The following RPF2 variants were observed in gnomAD, a reference collection of about 807,000 sequenced individuals.
RPF2 encodes brix domain containing 1.
In RPF2, 21 loss-of-function variants were observed where a neutral mutation model predicts 38.9. The observed-to-expected ratio is 0.54, with a 90% CI of 0.38 to 0.78. The LOEUF is 0.78. RPF2 is among the 30% of genes least tolerant of loss of function. The probability of loss-of-function intolerance (pLI) is 0.00; values close to 1 mark genes in which losing one functional copy is unlikely to be tolerated. For missense variants in RPF2, 314 were observed against 358.1 expected, an observed-to-expected ratio of 0.88 and a Z score of 0.99; for synonymous variants, 121 against 126.2, an observed-to-expected ratio of 0.96 and a Z score of 0.28.
At chr6:111,002,261 C>CA (rs1448411505) in intron 6 of RPF2, among the ~76,000 whole-genome samples, 1 of 152,212 alleles carries the variant, frequency 6.6e-6, no homozygotes, top group Non-Finnish European at 1.5e-5. Flanking sequence ...GCCTGGGTGA[C>CA]ACAGCAAGAC....
intron 5 of RPF2, 90 bp from the exon 6 acceptor site, chr6:110,999,621 T>C: frequency 1.3e-6 from 1 of 776,496 alleles, no homozygotes; most frequent in Non-Finnish European, 2.3e-6. Context: ...GAGGCAGATA[T>C]TAGGACATTT....
chr6:111,018,717 G>A (rs558527190), intron 8 of RPF2, among the ~76,000 whole-genome samples: 17 of 152,004 alleles, frequency 1.1e-4, no homozygotes, highest in Admixed American at 4.6e-4. Flanking sequence ...AATAAATGAG[G>A]CAAAATGCAG....
In RPF2 at chr6:111,027,361, TTATATC is replaced by T. The variant is rs1323630819; in HGVS notation, c.*1782_*1787del. 1 of 152,180 alleles carries T rather than the reference TTATATC, an allele frequency of 6.6e-6. No individual in the cohort carries two copies. Among genetic ancestry groups the T allele is most frequent in the Non-Finnish European group, 1.5e-5 (1 of 68,036 alleles). The allele number at this position is 152,180 out of a possible 1,614,324, so 9.4% of individuals were successfully genotyped here. A position where few individuals can be genotyped will look rare whatever the true frequency, so the allele number is the denominator to read the frequency against. ...CGTACCTGAATCAGACATTTGCACT[TTATATC>T]TAAATGAGAAGAAGGGGCTCAGATA... On this transcript the variant is annotated 3_prime_UTR_variant, in exon 10 of 10. Transcript: ENST00000441448.
intron 8 of RPF2, among the ~76,000 whole-genome samples, chr6:111,016,918 A>G (rs1020278589): frequency 1.2e-4 from 19 of 152,040 alleles, no homozygotes; most frequent in African/African-American, 4.6e-4. Flanking sequence ...GCATCTGTTT[A>G]ACAAAGCACA....
At chr6:111,001,420 C>A (rs899940331) in intron 6 of RPF2, among the ~76,000 whole-genome samples, 5 of 152,060 alleles carry the variant, frequency 3.3e-5, no homozygotes, top group Non-Finnish European at 5.9e-5. Flanking sequence ...CTCTGTCACC[C>A]AGGCTGGGGC....
chr6:110,989,183 G>T, intron 3 of RPF2, 118 bp downstream of exon 3: 1 of 1,014,798 alleles, frequency 9.9e-7, no homozygotes, highest in Non-Finnish European at 1.3e-6. Context: ...ATTCCTTACA[G>T]TTATTAATAT....
chr6:111,018,357 C>T (rs1217047318), intron 8 of RPF2, among the ~76,000 whole-genome samples: 1 of 152,206 alleles, frequency 6.6e-6, no homozygotes, highest in Non-Finnish European at 1.5e-5. Context: ...TTGCCTTTCT[C>T]TGTACATTGA....
chr6:110,983,483 G>T (rs1771466694), intron 1 of RPF2, among the ~76,000 whole-genome samples: 1 of 152,000 alleles, frequency 6.6e-6, no homozygotes. Flanking sequence ...GAGTAGCTGG[G>T]ACTATAGGCG....
At chr6:110,982,291 G>T in intron 1 of RPF2, 162 bp downstream of exon 1, 2 of 752,062 alleles carry the variant, frequency 2.7e-6, no homozygotes, top group East Asian at 2.7e-5. Context: ...CGAGCTGCTT[G>T]CCAGGAGACA....
chr6:111,017,077 A>C (rs9374246), intron 8 of RPF2, among the ~76,000 whole-genome samples: 10,043 of 152,232 alleles, frequency 0.066, 995 homozygotes, highest in East Asian at 0.52. Context: ...TCCTATGTCT[A>C]CTTCTTTCTA....
intron 5 of RPF2, 30 bp from the exon 6 acceptor site, chr6:110,999,681 T>C (rs756739143): frequency 1.6e-5 from 24 of 1,465,508 alleles, no homozygotes; most frequent in Middle Eastern, 3.5e-4. Flanking sequence ...TTGGGAAAAA[T>C]ACATGCTTAA....
Position 111,024,343 on chromosome 6 carries a change from C to T in RPF2, c.741+16C>T, listed in dbSNP as rs753542729. ...AGCTCTCAAGGTATATAACTTAGAG[C>T]TTGGTACCACATTTATTTGTATTTT... On this transcript the variant is annotated intron_variant, in intron 9 of 9. Transcript: ENST00000441448. 1 of 1,579,484 alleles carries T rather than the reference C, an allele frequency of 6.3e-7. No individual in the cohort carries two copies. The highest frequency in any genetic ancestry group is 8.6e-7 in the Non-Finnish European group (1 of 1,168,072).
chr6:111,000,966 C>T (rs947913466), intron 6 of RPF2, among the ~76,000 whole-genome samples: 1 of 152,176 alleles, frequency 6.6e-6, no homozygotes, highest in Non-Finnish European at 1.5e-5. Context: ...TGTATAATTA[C>T]TCTTTTCCTG....
chr6:111,009,484 C>T lies in RPF2; in HGVS notation c.493+1347C>T, dbSNP rs117421087. Among the ~76,000 whole-genome samples the T allele has an allele frequency of 2.5e-3, 382 of 152,084 alleles. 4 individuals carry two copies. The highest frequency in any genetic ancestry group is 0.022 in the Admixed American group (329 of 15,228). ...CTGGGATTACAGGCATGAGCCACTG[C>T]GACAGGCCCTGGCTCATTTTTACTT... On this transcript the variant is annotated intron_variant, in intron 7 of 9. Transcript: ENST00000441448.
At chr6:110,997,060 C>T in intron 4 of RPF2, 123 bp from the exon 5 acceptor site, 2 of 657,734 alleles carry the variant, frequency 3.0e-6, no homozygotes, top group Middle Eastern at 3.8e-4. Flanking sequence ...CCTCGGCGTC[C>T]CAAGTGCTGG....
intron 4 of RPF2, among the ~76,000 whole-genome samples, chr6:110,994,132 C>T (rs1265852492): frequency 1.3e-5 from 2 of 152,076 alleles, no homozygotes; most frequent in African/African-American, 4.8e-5. Context: ...CAAAATTAGC[C>T]AGGCGTGGTG....
intron 4 of RPF2, among the ~76,000 whole-genome samples, chr6:110,996,822 G>A (rs369272250): frequency 6.6e-6 from 1 of 151,846 alleles, no homozygotes; most frequent in African/African-American, 2.4e-5. Flanking sequence ...GTTTTTTTTA[G>A]ACAGAGTCTT....
intron 8 of RPF2, among the ~76,000 whole-genome samples, chr6:111,022,811 C>T (rs1042139427): frequency 1.3e-5 from 2 of 152,136 alleles, no homozygotes; most frequent in African/African-American, 4.8e-5. Context: ...TTTGAATTGA[C>T]AAGTTTTCTA....
At chr6:111,022,903 GT>G (rs1772258712) in intron 8 of RPF2, among the ~76,000 whole-genome samples, 1 of 151,998 alleles carries the variant, frequency 6.6e-6, no homozygotes, top group East Asian at 1.9e-4. Flanking sequence ...TTCTTTTTTT[GT>G]TTGTTTGTTT....
Sources: gnomAD v4.1 joint callset for allele counts (sites outside exome capture counted in the v4.1 genomes callset) on GRCh38, gnomAD v4.1.1 for gene constraint, MANE v1.5 for transcripts, NCBI Gene and HGNC (gene_info 2026-07-23, HGNC 2026-07-21) for gene names.